The following RUFY1 variants were observed in gnomAD, a reference collection of about 807,000 sequenced individuals.
RUFY1 encodes RUN and FYVE domain-containing protein 1.
Under a neutral mutation model 94.6 loss-of-function variants are expected in RUFY1, and 54 were observed. The ratio of observed to expected loss-of-function variants is 0.57; its 90% confidence interval spans 0.46 to 0.72. The LOEUF (loss-of-function observed/expected upper bound fraction) is 0.72, where lower values mean the gene tolerates loss of function less well. Ranked by LOEUF, RUFY1 falls within the 30% of genes least tolerant of loss-of-function variation. The pLI is 0.00. For synonymous variants in RUFY1, 396 were observed against 347.3 expected (o/e 1.14, Z -1.56); for missense variants, 883 against 883.9 (o/e 1.00, Z 0.01).
intron 5 of RUFY1, among the ~76,000 whole-genome samples, chr5:179,573,091 C>T (rs1380236305): frequency 6.6e-6 from 1 of 152,104 alleles, no homozygotes; most frequent in African/African-American, 2.4e-5. Flanking sequence ...TATTTCTGGA[C>T]TCTTCTGTTG....
intron 10 of RUFY1, among the ~76,000 whole-genome samples, chr5:179,592,316 C>T (rs1362318671): frequency 6.6e-6 from 1 of 152,174 alleles, no homozygotes; most frequent in East Asian, 1.9e-4. Context: ...GATGGGGTTT[C>T]ACCATGTTGG....
At chr5:179,565,806 G>A (rs867317417) in intron 3 of RUFY1, among the ~76,000 whole-genome samples, 9 of 152,178 alleles carry the variant, frequency 5.9e-5, no homozygotes, top group Middle Eastern at 3.4e-3. Flanking sequence ...ATTACTAAAT[G>A]TAGAATTTTG....
intron 11 of RUFY1, among the ~76,000 whole-genome samples, chr5:179,594,442 C>G (rs1765386152): frequency 6.7e-6 from 1 of 149,914 alleles, no homozygotes; most frequent in Non-Finnish European, 1.5e-5. Flanking sequence ...CTGTCCCAGA[C>G]AGAACCAATC....
At chr5:179,605,771 C>A in intron 15 of RUFY1, 105 bp from the exon 16 acceptor site, 1 of 799,130 alleles carries the variant, frequency 1.3e-6, no homozygotes, top group Non-Finnish European at 2.2e-6. Flanking sequence ...GGTCTCCTCA[C>A]AAGTCCGGTA....
In RUFY1 at chr5:179,593,614, C is replaced by T. The variant is rs755947050; in HGVS notation, c.1382C>T (p.Ala461Val). 15 of 1,614,046 alleles carry T rather than the reference C, an allele frequency of 9.3e-6. No individual in the cohort carries two copies. Among genetic ancestry groups the T allele is most frequent in the South Asian group, 8.8e-5 (8 of 91,064 alleles). ...CGCCAGCAGCTGGAAGAAGTCAAAGCGATTAATTTACAGATGTTTCACAAA... is the reference window on the plus strand; with the variant it reads ...CGCCAGCAGCTGGAAGAAGTCAAAGTGATTAATTTACAGATGTTTCACAAA... ...ALRQQLEEVKAINLQMFHKAQ... is the reference protein window; with the variant it reads ...ALRQQLEEVKVINLQMFHKAQ... Residue 461 changes from alanine (A) to valine (V), a missense_variant, in exon 11 of 18, where the codon GCG (alanine) becomes GTG (valine). Ala to Val is a moderately conservative substitution (Grantham distance 64, BLOSUM62 0). Transcript: ENST00000319449.
intron 3 of RUFY1, among the ~76,000 whole-genome samples, chr5:179,563,601 A>G (rs1762603589): frequency 6.6e-6 from 1 of 152,162 alleles, no homozygotes; most frequent in African/African-American, 2.4e-5. Flanking sequence ...CCTCTATGCA[A>G]ATTCTGCCTG....
At position 179,609,942 on chromosome 5, in the gene RUFY1, CAA is replaced by C. The variant is rs906888009; in HGVS notation, c.*424_*425del. On this transcript the variant is annotated 3_prime_UTR_variant, in exon 18 of 18. Coordinates refer to ENST00000319449, the MANE Select transcript of RUFY1 (RefSeq NM_025158.5). ...GCCAGTGTGCCTTCTCTGCTTCAGACAAGAGATCTGCCATTTCATGCCCTTGT... is the reference window on the plus strand; with the variant it reads ...GCCAGTGTGCCTTCTCTGCTTCAGACGAGATCTGCCATTTCATGCCCTTGT... 84 of 157,574 alleles carry C rather than the reference CAA, an allele frequency of 5.3e-4. No individual in the cohort carries two copies. Among genetic ancestry groups the C allele is most frequent in the Non-Finnish European group, 9.6e-4 (69 of 71,532 alleles). 9.8% of individuals were successfully genotyped at this position (157,574 alleles called of 1,614,324 possible). A position where few individuals can be genotyped will look rare whatever the true frequency, so the allele number is the denominator to read the frequency against.
At chr5:179,551,039 T>G (rs886272870) in intron 1 of RUFY1, among the ~76,000 whole-genome samples, 160 bp downstream of exon 1, 9 of 151,774 alleles carry the variant, frequency 5.9e-5, no homozygotes, top group Admixed American at 2.0e-4. Flanking sequence ...GGGTCTTTAC[T>G]CCGGCGGCCC....
chr5:179,580,342 A>G (rs1764044962), intron 6 of RUFY1, among the ~76,000 whole-genome samples: 1 of 150,402 alleles, frequency 6.6e-6, no homozygotes, highest in Non-Finnish European at 1.5e-5. Context: ...TCCCGGGTTC[A>G]CGCCATTCTC....
At chr5:179,592,853 C>A (rs1765228026) in intron 10 of RUFY1, among the ~76,000 whole-genome samples, 1 of 152,206 alleles carries the variant, frequency 6.6e-6, no homozygotes, top group South Asian at 2.1e-4. Flanking sequence ...TTCCAGCACT[C>A]AAACGAGACA....
At chr5:179,561,886 G>A (rs1364028356) in intron 2 of RUFY1, among the ~76,000 whole-genome samples, 7 of 149,086 alleles carry the variant, frequency 4.7e-5, no homozygotes, top group Non-Finnish European at 8.9e-5. Flanking sequence ...GAGTTTCACC[G>A]TGTTAGCCAG....
At chr5:179,605,274 GTC>G (rs1476435327) in intron 15 of RUFY1, among the ~76,000 whole-genome samples, 2 of 112,794 alleles carry the variant, frequency 1.8e-5, no homozygotes, top group Admixed American at 1.7e-4. Context: ...GCAAGATCCT[GTC>G]TCAAAAAAAA....
At chr5:179,566,324 C>G (rs1369490735) in intron 3 of RUFY1, among the ~76,000 whole-genome samples, 1 of 151,784 alleles carries the variant, frequency 6.6e-6, no homozygotes, top group East Asian at 1.9e-4. Context: ...AAAAATTACA[C>G]CTTCAAGATT....
intron 1 of RUFY1, among the ~76,000 whole-genome samples, chr5:179,554,196 G>C (rs1761997648): frequency 2.0e-5 from 3 of 152,186 alleles, no homozygotes; most frequent in Admixed American, 2.0e-4. Flanking sequence ...TTTTTCAATG[G>C]TAGAAGCTAA....
intron 1 of RUFY1, among the ~76,000 whole-genome samples, chr5:179,559,369 T>C (rs1485365615): frequency 6.6e-6 from 1 of 152,238 alleles, no homozygotes; most frequent in Non-Finnish European, 1.5e-5. Context: ...AAACAAAGTG[T>C]GCGTAAAACC....
In RUFY1 at chr5:179,601,957, C is replaced by A; in HGVS notation, c.1827C>A (p.Ala609=). 6.2e-7 allele frequency: 1 copy of A among 1,613,918 alleles called. No homozygotes were observed. Residue 609 remains alanine, a synonymous_variant, in exon 15 of 18, where the codon GCC becomes GCA. Transcript: ENST00000319449. ...LQKICEEQEQ[A]LQEMGLHLSQ... ...AGATCTGCGAGGAGCAGGAACAAGCCCTCCAGGAAATGGGCCTGCACCTCA... is the reference window on the plus strand; with the variant it reads ...AGATCTGCGAGGAGCAGGAACAAGCACTCCAGGAAATGGGCCTGCACCTCA...
intron 14 of RUFY1, 45 bp from the exon 15 acceptor site, chr5:179,601,847 C>T (rs1395224319): frequency 1.9e-6 from 2 of 1,037,388 alleles, no homozygotes; most frequent in Non-Finnish European, 2.9e-6. Flanking sequence ...AAAAAAAGGA[C>T]CGTGTAATCC....
intron 1 of RUFY1, among the ~76,000 whole-genome samples, chr5:179,551,301 C>T (rs1177392024): frequency 1.3e-5 from 2 of 152,234 alleles, no homozygotes; most frequent in Non-Finnish European, 2.9e-5. Flanking sequence ...CTCACCTCTG[C>T]CTGTGAGATG....
chr5:179,596,499 C>A, intron 12 of RUFY1, 63 bp from the exon 13 acceptor site: 3 of 1,601,368 alleles, frequency 1.9e-6, no homozygotes, highest in Non-Finnish European at 2.6e-6. Flanking sequence ...TTTCAGCCAG[C>A]AAAAGTCATC....
Sources: allele counts gnomAD v4.1 joint callset (sites outside exome capture counted in the v4.1 genomes callset), GRCh38; gene constraint gnomAD v4.1.1; transcripts MANE v1.5; gene names NCBI Gene and HGNC (gene_info 2026-07-23, HGNC 2026-07-21).